Variants in SHOX observed in about 807,000 individuals in gnomAD.
The protein encoded by SHOX is SHOX homeobox, also known as short stature homeobox protein.
Under a neutral mutation model 29.6 loss-of-function variants are expected in SHOX, and 12 were observed. That is an observed-to-expected ratio of 0.41 (90% CI 0.26 to 0.66). SHOX has a LOEUF of 0.66. Ranked by LOEUF, SHOX falls within the 30% of genes least tolerant of loss-of-function variation. The pLI, the probability that SHOX is intolerant of heterozygous loss-of-function variation, is 0.35. For missense variants in SHOX, 499 were observed against 437.7 expected, an observed-to-expected ratio of 1.14 and a Z score of -1.25; for synonymous variants, 214 against 200.6, an observed-to-expected ratio of 1.07 and a Z score of -0.57.
At chrX:634,370 G>A (rs2052703897) in intron 1 of SHOX, among the ~76,000 whole-genome samples, 1 of 152,344 alleles carries the variant, frequency 6.6e-6, no homozygotes, top group East Asian at 1.9e-4. Context: ...GTCAACAGAG[G>A]TGAAGTGGAT....
intron 2 of SHOX, among the ~76,000 whole-genome samples, chrX:635,651 C>A (rs1214275992): frequency 6.6e-6 from 1 of 152,142 alleles, no homozygotes; most frequent in Non-Finnish European, 1.5e-5. Context: ...GGCGGAGGGG[C>A]CTTGGGTGTG....
downstream of SHOX, among the ~76,000 whole-genome samples, chrX:655,539 C>T (rs2053125172): frequency 6.9e-6 from 1 of 145,790 alleles, no homozygotes; most frequent in Non-Finnish European, 1.5e-5. Context: ...GAGTTCGAGA[C>T]CAACCTCAGC....
chrX:651,106 A>ATT lies in SHOX; in HGVS notation c.*6478_*6479dup, dbSNP rs112268799. The ATT allele has an allele frequency of 0.025, 8,447 of 335,296 alleles. 591 individuals are homozygous for ATT. Among genetic ancestry groups the ATT allele is most frequent in the African/African-American group, 0.16 (7,371 of 46,076 alleles). The allele number at this position is 335,296 out of a possible 1,614,324, so 20.8% of individuals were successfully genotyped here. A position where few individuals can be genotyped will look rare whatever the true frequency, so the allele number is the denominator to read the frequency against. ...TGTGATGTATGTGCATTTGTTATTT[A>ATT]TTTTTTTTTCCTTGGTCGGACGTTC... On this transcript the variant is annotated 3_prime_UTR_variant, in exon 5 of 5. Transcript: ENST00000686671.
intron 1 of SHOX, chrX:624,744 T>C: frequency 2.7e-5 from 4 of 149,358 alleles, no homozygotes; most frequent in African/African-American, 1.0e-4. Context: ...TTTCTTTTCT[T>C]TCTTCCTTTC....
At chrX:636,246 T>C (rs1261079657) in intron 2 of SHOX, among the ~76,000 whole-genome samples, 2 of 144,630 alleles carry the variant, frequency 1.4e-5, no homozygotes, top group African/African-American at 2.5e-5. Context: ...TCTATAAACA[T>C]ATATAATATA....
downstream of SHOX, among the ~76,000 whole-genome samples, chrX:655,602 CTCTCTCTCTCTCTATATATA>C (rs1272043716): frequency 5.2e-3 from 225 of 43,176 alleles, no homozygotes; most frequent in Non-Finnish European, 6.6e-3. Context: ...CTCTCTCTCT[CTCTCTCTCTCTCTATATATA>C]TATATATATA....
At chrX:627,348 T>A (rs1217517390), upstream of SHOX, among the ~76,000 whole-genome samples, 1 of 152,138 alleles carries the variant, frequency 6.6e-6, no homozygotes, top group African/African-American at 2.4e-5. Flanking sequence ...AAACGCTGGG[T>A]GTTTCCTGCC....
intron 4 of SHOX, among the ~76,000 whole-genome samples, chrX:643,498 G>A (rs1334932103): frequency 1.4e-5 from 2 of 147,960 alleles, no homozygotes; most frequent in African/African-American, 5.0e-5. Context: ...TTGGGGACCT[G>A]GTGACCTTGG....
In SHOX at chrX:651,411, A is replaced by AAACAAAC; in HGVS notation, c.*6775_*6776insAACAAAC. 2.3e-6 allele frequency: 1 copy of AAACAAAC among 442,372 alleles called. No individual in the cohort carries two copies. Among genetic ancestry groups the AAACAAAC allele is most frequent in the Non-Finnish European group, 4.5e-6 (1 of 220,752 alleles). The allele number at this position is 442,372 out of a possible 1,614,324, so 27.4% of individuals were successfully genotyped here. A position where few individuals can be genotyped will look rare whatever the true frequency, so the allele number is the denominator to read the frequency against. ...GTAGAAAAAAAACAAACAAACAAAC[A>AAACAAAC]GAAAAAAAAACCAAAAAAAACCACC... On this transcript the variant is annotated 3_prime_UTR_variant, in exon 5 of 5. Coordinates refer to ENST00000686671, the MANE Select transcript of SHOX (RefSeq NM_000451.4).
At position 630,827 on chromosome X, in the gene SHOX, G is replaced by A; in HGVS notation, c.-71G>A. 1 of 1,584,036 alleles carries A rather than the reference G, an allele frequency of 6.3e-7. No homozygotes were observed. The highest frequency in any genetic ancestry group is 8.6e-7 in the Non-Finnish European group (1 of 1,156,612). On this transcript the variant is annotated 5_prime_UTR_variant, in exon 1 of 5. Transcript: ENST00000686671. ...CGCTGGTGATCCACCCGCGCGCACG[G>A]GCCGTCCTCTCCGCGCGGGGAGACG... is the stretch of plus-strand genomic sequence containing the variant.
chrX:642,294 C>T (rs1358372550), intron 4 of SHOX, among the ~76,000 whole-genome samples: 1 of 146,948 alleles, frequency 6.8e-6, no homozygotes, highest in Non-Finnish European at 1.5e-5. Context: ...GCGGGCGGAA[C>T]GGGCTTGGGG....
intron 2 of SHOX, among the ~76,000 whole-genome samples, chrX:635,132 G>C (rs2052722827): frequency 6.6e-6 from 1 of 151,750 alleles, no homozygotes; most frequent in Non-Finnish European, 1.5e-5. Context: ...ATATTTGTTC[G>C]TCCTTGGTGC....
chrX:655,558 C>G (rs185297570), downstream of SHOX, among the ~76,000 whole-genome samples: 1,278 of 117,304 alleles, frequency 0.011, 17 homozygotes, highest in African/African-American at 0.04. Flanking sequence ...GCAAAAAGGA[C>G]TCTCTCTCTG....
chrX:654,828 G>A (rs952643588), downstream of SHOX, among the ~76,000 whole-genome samples: 4 of 150,746 alleles, frequency 2.7e-5, no homozygotes, highest in Non-Finnish European at 5.9e-5. Context: ...GGGATTACAG[G>A]TGCCCGCCAC....
At position 649,796 on chromosome X, in the gene SHOX, C is replaced by G. The variant is rs1295148984; in HGVS notation, c.*5160C>G. ...ATACGTATTTTCTTCCCTCCTCTCCCCAAAACTTGGCCAAATAGTCCGTGG... is the reference window on the plus strand; with the variant it reads ...ATACGTATTTTCTTCCCTCCTCTCCGCAAAACTTGGCCAAATAGTCCGTGG... On this transcript the variant is annotated 3_prime_UTR_variant, in exon 5 of 5. Coordinates refer to ENST00000686671, the MANE Select transcript of SHOX (RefSeq NM_000451.4). 7.1e-6 allele frequency: 3 copies of G among 420,288 alleles called. 1 individual carries two copies. Among genetic ancestry groups the G allele is most frequent in the South Asian group, 3.5e-5 (2 of 56,356 alleles). The allele number at this position is 420,288 out of a possible 1,614,324, so 26.0% of individuals were successfully genotyped here.
At chrX:630,589 C>T, upstream of SHOX, 1 of 522,200 alleles carries the variant, frequency 1.9e-6, no homozygotes, top group Non-Finnish European at 3.4e-6. Flanking sequence ...GATCTTTCCC[C>T]CTTCGCACCA....
upstream of SHOX, among the ~76,000 whole-genome samples, chrX:625,823 C>A (rs762821224): frequency 4.8e-5 from 7 of 144,934 alleles, no homozygotes; most frequent in South Asian, 1.5e-3. Context: ...CTCTGTCTCT[C>A]TTTCTCTCCT....
Position 649,894 on chromosome X carries a change from C to T in SHOX, c.*5258C>T, listed in dbSNP as rs2053028144. ...GTGGCTGTTCTGGTGAAATCTGTTT[C>T]TGACATATCCACTTTTCTCTCTCTT... On this transcript the variant is annotated 3_prime_UTR_variant, in exon 5 of 5. Coordinates refer to ENST00000686671, the MANE Select transcript of SHOX (RefSeq NM_000451.4). The T allele has an allele frequency of 4.4e-6, 2 of 456,024 alleles. No individual in the cohort carries two copies. The highest frequency in any genetic ancestry group is 3.3e-4 in the Middle Eastern group (1 of 3,070). The allele number at this position is 456,024 out of a possible 1,614,324, so 28.2% of individuals were successfully genotyped here.
rs576542942 is a variant in SHOX, at chrX:644,459, G to A, written c.702G>A (p.Ala234=). 636 of 1,522,758 alleles carry A rather than the reference G, an allele frequency of 4.2e-4. 12 individuals carry two copies. In the South Asian group the frequency reaches 7.3e-3, roughly 18 times the overall value. 94.3% of individuals were successfully genotyped at this position (1,522,758 alleles called of 1,614,324 possible). A position where few individuals can be genotyped will look rare whatever the true frequency, so the allele number is the denominator to read the frequency against. The change falls in exon 5 of 5, where the codon GCG becomes GCA. Residue 234 remains alanine (A), a synonymous_variant. Transcript: ENST00000686671. ...CGCACCTGCACCCGCACCTGGCGGC[G>A]CACGCGCCCTACCTGATGTTCCCCC... is the stretch of plus-strand genomic sequence containing the variant. The part of the protein sequence containing the change: ...AHPHLHPHLA[A]HAPYLMFPPP...
Sources: allele counts gnomAD v4.1 joint callset (sites outside exome capture counted in the v4.1 genomes callset), GRCh38; gene constraint gnomAD v4.1.1; transcripts MANE v1.5; gene names NCBI Gene and HGNC (gene_info 2026-07-23, HGNC 2026-07-21).